Variants in NUBPL observed in about 807,000 individuals in gnomAD.
NUBPL encodes iron-sulfur cluster transfer protein NUBPL.
A neutral mutation model predicts 45.7 loss-of-function variants in NUBPL; 31 were observed. That is an observed-to-expected ratio of 0.68 (90% CI 0.51 to 0.92). The LOEUF (loss-of-function observed/expected upper bound fraction) is 0.92. NUBPL is among the 40% of genes least tolerant of loss of function. The pLI, the probability that NUBPL is intolerant of heterozygous loss-of-function variation, is 0.00. For synonymous variants in NUBPL, 144 were observed against 140.9 expected (o/e 1.02, Z -0.15); for missense variants, 401 against 398.7 (o/e 1.01, Z -0.05).
chr14:31,738,198 G>T (rs2038203854), intron 6 of NUBPL, among the ~76,000 whole-genome samples: 1 of 152,056 alleles, frequency 6.6e-6, no homozygotes, highest in African/African-American at 2.4e-5. Flanking sequence ...TTTACCTTCA[G>T]GTCATATCAA....
chr14:31,713,455 TCTTTCC>T (rs1233723933), intron 6 of NUBPL, among the ~76,000 whole-genome samples: 17 of 152,360 alleles, frequency 1.1e-4, no homozygotes, highest in African/African-American at 3.8e-4. Context: ...CTCCTTCGTA[TCTTTCC>T]CTTTCAGTTG....
chr14:31,726,134 C>A (rs909383416), intron 6 of NUBPL, among the ~76,000 whole-genome samples: 2 of 152,152 alleles, frequency 1.3e-5, no homozygotes, highest in Non-Finnish European at 2.9e-5. Context: ...TTGAGAAGGA[C>A]AGTTCAAGAA....
intron 3 of NUBPL, among the ~76,000 whole-genome samples, chr14:31,572,220 A>G (rs2033604275): frequency 6.6e-6 from 1 of 151,732 alleles, no homozygotes; most frequent in African/African-American, 2.4e-5. Flanking sequence ...GCTCACTGCA[A>G]TCTCCGCCTC....
At chr14:31,840,284 G>C (rs1277900384) in intron 8 of NUBPL, among the ~76,000 whole-genome samples, 2 of 152,070 alleles carry the variant, frequency 1.3e-5, no homozygotes, top group Non-Finnish European at 2.9e-5. Context: ...TTTAAAAAGA[G>C]AGAAATTGGC....
In NUBPL at chr14:31,602,155, T is replaced by C. The variant is rs552240877; in HGVS notation, c.382+2776T>C. ...ATCGCAAGGACAAAAAACCAAACAC[T>C]GCATGTTCTCACTCATAGGTGGGAA... On this transcript the variant is annotated intron_variant, in intron 4 of 10. Coordinates refer to ENST00000281081, the MANE Select transcript of NUBPL (RefSeq NM_025152.3). Among the ~76,000 whole-genome samples the C allele has an allele frequency of 6.5e-3, 988 of 151,478 alleles. 11 individuals are homozygous for C. The highest frequency in any genetic ancestry group is 0.022 in the African/African-American group (915 of 41,184).
chr14:31,825,600 C>T (rs891864655), intron 7 of NUBPL, among the ~76,000 whole-genome samples: 2 of 151,454 alleles, frequency 1.3e-5, no homozygotes, highest in Non-Finnish European at 2.9e-5. Flanking sequence ...TTCTCCTCCT[C>T]CTCATCTTCC....
intron 4 of NUBPL, among the ~76,000 whole-genome samples, chr14:31,654,302 G>A (rs1301524417): frequency 6.6e-6 from 1 of 152,030 alleles, no homozygotes; most frequent in South Asian, 2.1e-4. Flanking sequence ...TTCAGTGAAT[G>A]GTAATCTTTT....
intron 6 of NUBPL, among the ~76,000 whole-genome samples, chr14:31,706,684 G>A (rs573375162): frequency 6.6e-6 from 1 of 152,324 alleles, no homozygotes; most frequent in East Asian, 1.9e-4. Context: ...TGGTGGTTTT[G>A]GAGAGTCACT....
In NUBPL at chr14:31,645,127, G is replaced by A. The variant is rs186411493; in HGVS notation, c.383-28228G>A. 6.2e-3 allele frequency among the ~76,000 whole-genome samples: 922 copies of A among 149,212 alleles called. 32 individuals are homozygous for A. Among genetic ancestry groups the A allele is most frequent in the Admixed American group, 0.054 (800 of 14,896 alleles). ...GTCGCCCAGGCTGGAGTGCAGTGGC[G>A]CAATCTTGGCTCACTGCAAGCTCCG... is the stretch of plus-strand genomic sequence containing the variant. On this transcript the variant is annotated intron_variant, in intron 4 of 10. Coordinates refer to ENST00000281081, the MANE Select transcript of NUBPL (RefSeq NM_025152.3).
At chr14:31,831,728 T>C (rs896992590) in intron 8 of NUBPL, among the ~76,000 whole-genome samples, 5 of 152,180 alleles carry the variant, frequency 3.3e-5, no homozygotes, top group African/African-American at 1.2e-4. Flanking sequence ...GTTGAGATAG[T>C]TACGCATTGG....
chr14:31,726,228 T>C (rs2037921441), intron 6 of NUBPL, among the ~76,000 whole-genome samples: 1 of 152,294 alleles, frequency 6.6e-6, no homozygotes, highest in Middle Eastern at 3.4e-3. Flanking sequence ...TCTTAAGGAT[T>C]ATGTCTTATA....
intron 3 of NUBPL, among the ~76,000 whole-genome samples, chr14:31,594,072 C>T (rs903731689): frequency 2.0e-5 from 3 of 152,112 alleles, no homozygotes; most frequent in Admixed American, 6.5e-5. Flanking sequence ...AATTAGAAGA[C>T]TAAGATGATC....
chr14:31,693,810 A>C (rs930662762), intron 6 of NUBPL, among the ~76,000 whole-genome samples: 1 of 150,008 alleles, frequency 6.7e-6, no homozygotes, highest in South Asian at 2.1e-4. Context: ...TAAAAAAAAA[A>C]AAAAAAAAAA....
At chr14:31,665,232 C>T (rs1229151477) in intron 4 of NUBPL, among the ~76,000 whole-genome samples, 1 of 152,038 alleles carries the variant, frequency 6.6e-6, no homozygotes, top group African/African-American at 2.4e-5. Flanking sequence ...TTCAGTTCTT[C>T]TCTGATCTTA....
At chr14:31,689,087 AT>A (rs1223317978) in intron 6 of NUBPL, among the ~76,000 whole-genome samples, 1 of 151,802 alleles carries the variant, frequency 6.6e-6, no homozygotes, top group Non-Finnish European at 1.5e-5. Flanking sequence ...ATTTAGGTTG[AT>A]TCCGTGCCTT....
chr14:31,678,264 C>T (rs1399950863), intron 6 of NUBPL, among the ~76,000 whole-genome samples: 1 of 152,198 alleles, frequency 6.6e-6, no homozygotes, highest in African/African-American at 2.4e-5. Flanking sequence ...GGACCTAGGA[C>T]CCCACATGGT....
intron 10 of NUBPL, among the ~76,000 whole-genome samples, chr14:31,854,250 T>C (rs2040583814): frequency 6.6e-6 from 1 of 152,176 alleles, no homozygotes; most frequent in Non-Finnish European, 1.5e-5. Flanking sequence ...AACTGTATTA[T>C]CTGTGCCTCT....
At chr14:31,652,023 ATGAATGAATGGATAAAGAAAATGTGGT>A (rs1211773217) in intron 4 of NUBPL, among the ~76,000 whole-genome samples, 2 of 152,212 alleles carry the variant, frequency 1.3e-5, no homozygotes, top group African/African-American at 2.4e-5. Context: ...GTGTCCATCA[ATGAATGAATGGATAAAGAAAATGTGGT>A]TGAATGAATG....
At chr14:31,829,081 A>G (rs971322795) in intron 8 of NUBPL, among the ~76,000 whole-genome samples, 6 of 152,190 alleles carry the variant, frequency 3.9e-5, no homozygotes, top group Non-Finnish European at 8.8e-5. Context: ...ATATTAGAGT[A>G]TAAGTTTGCC....
Sources: allele counts gnomAD v4.1 joint callset (sites outside exome capture counted in the v4.1 genomes callset), GRCh38; gene constraint gnomAD v4.1.1; transcripts MANE v1.5; gene names NCBI Gene and HGNC (gene_info 2026-07-23, HGNC 2026-07-21).